The following OTOF variants were observed in gnomAD, a reference collection of about 807,000 sequenced individuals.
The protein encoded by OTOF is fer-1-like family member 2.
OTOF carries 218 observed loss-of-function variants against 236.8 expected under a neutral mutation model. The ratio of observed to expected loss-of-function variants is 0.92; its 90% CI spans 0.82 to 1.03. The LOEUF (loss-of-function observed/expected upper bound fraction) is 1.03, where lower values mean the gene tolerates loss of function less well. Among genes scored for constraint, OTOF ranks in the 50% least tolerant of loss-of-function variants. The probability of loss-of-function intolerance (pLI) is 0.00; values close to 1 mark genes in which losing one functional copy is unlikely to be tolerated. For missense variants in OTOF, 2,590 were observed against 2,694.4 expected (o/e 0.96, Z 0.86); for synonymous variants, 1,041 against 1,072.5 (o/e 0.97, Z 0.57).
intron 1 of OTOF, among the ~76,000 whole-genome samples, chr2:26,556,076 A>G (rs992392099): frequency 6.6e-6 from 1 of 152,198 alleles, no homozygotes. Flanking sequence ...AGGTCAAGCC[A>G]TATTTCAACC....
chr2:26,523,897 G>A (rs1158969424), intron 3 of OTOF, among the ~76,000 whole-genome samples: 1 of 152,234 alleles, frequency 6.6e-6, no homozygotes, highest in Non-Finnish European at 1.5e-5. Context: ...CCAGGCAAAT[G>A]CCAGGATGGG....
intron 8 of OTOF, among the ~76,000 whole-genome samples, chr2:26,495,915 C>T (rs1368361622): frequency 6.6e-6 from 1 of 152,254 alleles, no homozygotes; most frequent in Non-Finnish European, 1.5e-5. Context: ...TGTAAGCCTG[C>T]AGGCCTCTGA....
Position 26,479,277 on chromosome 2 carries a change from A to C in OTOF, c.2201T>G (p.Ile734Ser). The C allele has an allele frequency of 6.2e-7, 1 of 1,612,832 alleles. No individual in the cohort carries two copies. The highest frequency in any genetic ancestry group is 8.5e-7 in the Non-Finnish European group (1 of 1,179,948). ...CCTGGCCCTGACCAGCTTGTCGGCA[A>C]TGTGGTCCATGATGTTGGCATTGTA... is the stretch of plus-strand genomic sequence containing the variant. ...RLYNANIMDH[I>S]ADKLEEGLND... The change falls in exon 18 of 47, where the codon ATT becomes AGT. Residue 734 changes from isoleucine to serine, a missense_variant. By Grantham distance (142) the Ile-to-Ser change is moderately radical (BLOSUM62 -2). This residue lies in a region of OTOF where 1,379 missense variants were observed against 1,341.6 expected (regional missense o/e 1.03). Transcript: ENST00000272371.
chr2:26,529,968 G>A lies in OTOF; in HGVS notation c.139-2048C>T, dbSNP rs528020303. Among the ~76,000 whole-genome samples, 3 of 95,112 alleles carry A rather than the reference G, an allele frequency of 3.2e-5. No individual in the cohort carries two copies. In the South Asian group the frequency reaches 1.0e-3, roughly 32 times the overall value. The allele number at this position is 95,112 out of a possible 152,430, so 62.4% of individuals were successfully genotyped here. A position where few individuals can be genotyped will look rare whatever the true frequency, so the allele number is the denominator to read the frequency against. On this transcript the variant is annotated intron_variant, in intron 2 of 46. Coordinates refer to ENST00000272371, the MANE Select transcript of OTOF (RefSeq NM_194248.3). ...TGGATGCCTCTGGCAGCTCAGCAGA[G>A]TGTGTGGTTTTCTTAATGAAGCTGC...
At position 26,516,541 on chromosome 2, in the gene OTOF, T is replaced by C. The variant is rs1338469511; in HGVS notation, c.386A>G (p.Asp129Gly). 1.2e-6 allele frequency: 2 copies of C among 1,612,700 alleles called. No homozygotes were observed. Among genetic ancestry groups the C allele is most frequent in the South Asian group, 1.1e-5 (1 of 91,080 alleles). ...CTCATCTCCCAGGAAGTCCCCATCG[T>C]CCCAGGAGCCCACTGTGCCGTCAGT... ...QATDGTVGSW[D>G]DGDFLGDESL... Residue 129 changes from aspartate (D) to glycine (G), a missense_variant, in exon 5 of 47, where the codon GAC becomes GGC. By Grantham distance (94) the Asp-to-Gly change is moderately conservative (BLOSUM62 -1). Coordinates refer to ENST00000272371, the MANE Select transcript of OTOF (RefSeq NM_194248.3).
At chr2:26,529,278 G>T (rs561866707) in intron 2 of OTOF, among the ~76,000 whole-genome samples, 4 of 152,342 alleles carry the variant, frequency 2.6e-5, no homozygotes, top group Admixed American at 2.6e-4. Context: ...CTGGTAGAAG[G>T]CAGTGACTTT....
chr2:26,540,544 T>C (rs1319427301), intron 1 of OTOF, among the ~76,000 whole-genome samples: 1 of 152,184 alleles, frequency 6.6e-6, no homozygotes, highest in East Asian at 1.9e-4. Context: ...CTCTCCTCTG[T>C]CAGTGGTGGC....
chr2:26,492,260 T>G (rs1665867292), intron 9 of OTOF, among the ~76,000 whole-genome samples: 1 of 152,158 alleles, frequency 6.6e-6, no homozygotes, highest in Non-Finnish European at 1.5e-5. Context: ...TGGCATCTAC[T>G]GGGTAGAGGC....
chr2:26,476,322 G>C lies in OTOF; in HGVS notation c.2677-5C>G. On this transcript the variant is annotated splice_polypyrimidine_tract_variant and splice_region_variant and intron_variant, in intron 22 of 46. Coordinates refer to ENST00000272371, the MANE Select transcript of OTOF (RefSeq NM_194248.3). ...GAAGCCCCGCTTCCCTGGCAGCTGGGGGTGGGCATGGGGTCACCAGGAGCC... is the reference window on the plus strand; with the variant it reads ...GAAGCCCCGCTTCCCTGGCAGCTGGCGGTGGGCATGGGGTCACCAGGAGCC... 6.2e-7 allele frequency: 1 copy of C among 1,601,174 alleles called. No homozygotes were observed. Among genetic ancestry groups the C allele is most frequent in the South Asian group, 1.1e-5 (1 of 90,992 alleles).
In OTOF at chr2:26,477,502, A is replaced by T. The variant is rs1665369927; in HGVS notation, c.2320T>A (p.Phe774Ile). 6.2e-7 allele frequency: 1 copy of T among 1,602,552 alleles called. No homozygotes were observed. The highest frequency in any genetic ancestry group is 1.3e-5 in the African/African-American group (1 of 74,724). Residue 774 changes from phenylalanine (F) to isoleucine (I), a missense_variant, in exon 20 of 47, where the codon TTC becomes ATC. Coordinates refer to ENST00000272371, the MANE Select transcript of OTOF (RefSeq NM_194248.3). This position sits in a 1 kb window ranked among gnomAD's most constrained non-coding sequence, Gnocchi z 4.7. ...LEELSCGCCR[F>I]LSLADKDQGH... ...TGGTCCTTGTCAGCGAGGGAGAGGA[A>T]GCGGCTGGGGGTAGGGCGAGCCGGG...
chr2:26,526,762 A>C (rs2148111892), intron 3 of OTOF, among the ~76,000 whole-genome samples: 1 of 152,296 alleles, frequency 6.6e-6, no homozygotes, highest in East Asian at 1.9e-4. Flanking sequence ...GTCTCCTCCC[A>C]CTGTTGAGTC....
In OTOF at chr2:26,467,046, G is replaced by A. The variant is rs114349425; in HGVS notation, c.4362+53C>T. The stretch of plus-strand genomic sequence containing the variant: ...TGGGAGGTGAGTGGGGGAACCTGTG[G>A]GGGGGGCAAGGGCTGGCGGGTGCTC... On this transcript the variant is annotated intron_variant, in intron 35 of 46. Coordinates refer to ENST00000272371, the MANE Select transcript of OTOF (RefSeq NM_194248.3). 0.038 allele frequency: 61,060 copies of A among 1,597,284 alleles called. 9,753 individuals carry two copies. The African/African-American group carries it at 0.52, about 13-fold the overall frequency.
At chr2:26,487,706 C>G (rs1228889424) in intron 11 of OTOF, among the ~76,000 whole-genome samples, 2 of 152,216 alleles carry the variant, frequency 1.3e-5, no homozygotes, top group African/African-American at 4.8e-5. Flanking sequence ...CGGCCTCAGG[C>G]CTGCCAGTGG....
intron 33 of OTOF, 110 bp from the exon 34 acceptor site, chr2:26,467,611 T>A (rs1338887302): frequency 7.6e-7 from 1 of 1,310,344 alleles, no homozygotes; most frequent in Non-Finnish European, 1.1e-6. Context: ...CTCTCGGATG[T>A]CCATGTGCTG....
chr2:26,517,064 T>A (rs1312673876), intron 4 of OTOF, among the ~76,000 whole-genome samples: 1 of 152,158 alleles, frequency 6.6e-6, no homozygotes, highest in Non-Finnish European at 1.5e-5. Flanking sequence ...GAAAGTGGCC[T>A]CCGGGAGAGG....
At chr2:26,507,927 TA>T (rs531097340) in intron 5 of OTOF, among the ~76,000 whole-genome samples, 66 of 152,340 alleles carry the variant, frequency 4.3e-4, no homozygotes, top group African/African-American at 1.5e-3. Flanking sequence ...GGCCCAGATT[TA>T]GAAGCGTGTT....
Position 26,479,261 on chromosome 2 carries a change from G to T in OTOF, c.2214+3C>A. The T allele has an allele frequency of 1.2e-6, 2 of 1,612,488 alleles. No individual in the cohort carries two copies. Among genetic ancestry groups the T allele is most frequent in the South Asian group, 2.2e-5 (2 of 90,908 alleles). On this transcript the variant is annotated splice_donor_region_variant and intron_variant, in intron 18 of 46. Coordinates refer to ENST00000272371, the MANE Select transcript of OTOF (RefSeq NM_194248.3). ...CCCTGCTGGCCCCTGGCCTGGCCCT[G>T]ACCAGCTTGTCGGCAATGTGGTCCA... is the stretch of plus-strand genomic sequence containing the variant.
At chr2:26,547,752 A>C (rs1667368832) in intron 1 of OTOF, among the ~76,000 whole-genome samples, 1 of 152,166 alleles carries the variant, frequency 6.6e-6, no homozygotes, top group South Asian at 2.1e-4. Flanking sequence ...GAGGCAGGAG[A>C]ATCACTTGAA....
chr2:26,521,178 T>C (rs1666667692), intron 3 of OTOF, among the ~76,000 whole-genome samples: 1 of 152,206 alleles, frequency 6.6e-6, no homozygotes, highest in African/African-American at 2.4e-5. Flanking sequence ...CTGAAGCTGC[T>C]GGCTGGGGAG....
Sources: allele counts gnomAD v4.1 joint callset (sites outside exome capture counted in the v4.1 genomes callset), GRCh38; gene constraint gnomAD v4.1.1; regional missense constraint gnomAD v4.1.1; non-coding constraint Gnocchi (gnomAD v3.1); transcripts MANE v1.5; gene names NCBI Gene and HGNC (gene_info 2026-07-23, HGNC 2026-07-21).